PFDN1: variants seen among roughly 807,000 people sequenced by gnomAD.
The protein encoded by PFDN1 is prefoldin subunit 1, also known as prefoldin 1.
PFDN1 carries 6 observed loss-of-function variants against 17.3 expected under a neutral mutation model. That is an observed-to-expected ratio of 0.35 (90% CI 0.19 to 0.69). PFDN1 has a LOEUF of 0.69. Ranked by LOEUF, PFDN1 falls within the 30% of genes least tolerant of loss-of-function variation. PFDN1 has a pLI of 0.65. For synonymous variants in PFDN1, 58 were observed against 50.1 expected, an observed-to-expected ratio of 1.16 and a Z score of -0.67; for missense variants, 113 against 146.2, an observed-to-expected ratio of 0.77 and a Z score of 1.17.
chr5:140,302,116 C>T (rs904797875), intron 1 of PFDN1, among the ~76,000 whole-genome samples: 5 of 152,200 alleles, frequency 3.3e-5, no homozygotes, highest in African/African-American at 1.2e-4. Flanking sequence ...TAAGATGTTG[C>T]TCATCTGAAG....
chr5:140,284,613 T>C (rs181913300), intron 2 of PFDN1, among the ~76,000 whole-genome samples: 2 of 152,370 alleles, frequency 1.3e-5, no homozygotes, highest in Non-Finnish European at 2.9e-5. Flanking sequence ...TCTGCCTGAT[T>C]GTTTATGGAA....
chr5:140,291,789 A>G (rs1467418433), intron 2 of PFDN1, among the ~76,000 whole-genome samples: 1 of 152,168 alleles, frequency 6.6e-6, no homozygotes, highest in African/African-American at 2.4e-5. Context: ...GGTGGGAGGA[A>G]TATCAAGAAG....
chr5:140,248,271 G>A (rs1764861439), intron 3 of PFDN1, among the ~76,000 whole-genome samples: 1 of 152,016 alleles, frequency 6.6e-6, no homozygotes, highest in Admixed American at 6.6e-5. Flanking sequence ...GTTTCACTGT[G>A]TTAGCCAAGC....
At chr5:140,297,450 C>T (rs1158195432) in intron 2 of PFDN1, among the ~76,000 whole-genome samples, 2 of 152,160 alleles carry the variant, frequency 1.3e-5, no homozygotes, top group Non-Finnish European at 2.9e-5. Flanking sequence ...GGCACTAATA[C>T]GCTAGCCAAA....
chr5:140,251,811 G>A (rs1764917591), intron 3 of PFDN1, among the ~76,000 whole-genome samples: 1 of 152,074 alleles, frequency 6.6e-6, no homozygotes, highest in South Asian at 2.1e-4. Context: ...TCAGACTGAG[G>A]GGCTGGTGTT....
chr5:140,278,491 G>A (rs1765334552), intron 3 of PFDN1, among the ~76,000 whole-genome samples: 1 of 147,614 alleles, frequency 6.8e-6, no homozygotes, highest in African/African-American at 2.5e-5. Context: ...AACCTTTGGG[G>A]CAGAGGTGGC....
intron 2 of PFDN1, among the ~76,000 whole-genome samples, chr5:140,284,867 C>G (rs772931369): frequency 6.6e-6 from 1 of 152,198 alleles, no homozygotes; most frequent in Non-Finnish European, 1.5e-5. Context: ...TATTTCACTT[C>G]CTCATTTATT....
chr5:140,290,081 A>G, intron 2 of PFDN1, among the ~76,000 whole-genome samples: 1 of 152,176 alleles, frequency 6.6e-6, no homozygotes, highest in East Asian at 1.9e-4. Context: ...ACTTTGGCAG[A>G]CATTATTGTT....
chr5:140,301,188 C>A (rs1765739148), intron 1 of PFDN1, among the ~76,000 whole-genome samples: 1 of 152,132 alleles, frequency 6.6e-6, no homozygotes, highest in Non-Finnish European at 1.5e-5. Flanking sequence ...AAATCCATTT[C>A]TTCTAACCCC....
At chr5:140,271,575 T>C (rs1240886736) in intron 3 of PFDN1, among the ~76,000 whole-genome samples, 1 of 152,132 alleles carries the variant, frequency 6.6e-6, no homozygotes, top group Non-Finnish European at 1.5e-5. Context: ...TCATCAGGAG[T>C]GTAAACGTTT....
At chr5:140,287,116 G>A (rs1175176072) in intron 2 of PFDN1, among the ~76,000 whole-genome samples, 1 of 152,174 alleles carries the variant, frequency 6.6e-6, no homozygotes, top group East Asian at 1.9e-4. Flanking sequence ...TAACTAGTTG[G>A]TTAAATTTGT....
chr5:140,294,706 A>G (rs1046155950), intron 2 of PFDN1, among the ~76,000 whole-genome samples: 3 of 152,036 alleles, frequency 2.0e-5, no homozygotes, highest in African/African-American at 7.2e-5. Flanking sequence ...ATTTTTTTTA[A>G]TTGTTACCTA....
intron 3 of PFDN1, among the ~76,000 whole-genome samples, chr5:140,264,442 A>G (rs1765108464): frequency 1.3e-5 from 2 of 152,246 alleles, no homozygotes; most frequent in African/African-American, 4.8e-5. Flanking sequence ...TATGCTATGC[A>G]TATCAGAGCA....
intron 2 of PFDN1, 34 bp from the exon 3 acceptor site, chr5:140,281,567 C>T: frequency 9.4e-7 from 1 of 1,067,482 alleles, no homozygotes. Context: ...AATTAAGCCA[C>T]ATGACTATTG....
chr5:140,275,136 C>T (rs139427130), intron 3 of PFDN1, among the ~76,000 whole-genome samples: 1 of 152,104 alleles, frequency 6.6e-6, no homozygotes, highest in Non-Finnish European at 1.5e-5. Context: ...GTGCCAGGCG[C>T]GGTGGCTCAC....
Position 140,245,464 on chromosome 5 carries a change from G to A in PFDN1, c.*510C>T, listed in dbSNP as rs1455463847. 1.4e-6 allele frequency: 1 copy of A among 702,518 alleles called. No homozygotes were observed. The highest frequency in any genetic ancestry group is 2.7e-5 in the East Asian group (1 of 37,298). 43.5% of individuals were successfully genotyped at this position (702,518 alleles called of 1,614,324 possible). ...CTTCTGTCTACTGCATGCAGGCCCG[G>A]AAGCTGAGCGTTAGTCAAAGGTACA... On this transcript the variant is annotated 3_prime_UTR_variant, in exon 4 of 4. Transcript: ENST00000261813.
At position 140,299,995 on chromosome 5, in the gene PFDN1, T is replaced by C. The variant is rs532109350; in HGVS notation, c.200+421A>G. ...CCATTGCACTCCAGCCTGGGCGATA[T>C]AGCGAAAACTCCGTCTCAAAAAGAA... On this transcript the variant is annotated intron_variant, in intron 2 of 3. Coordinates refer to ENST00000261813, the MANE Select transcript of PFDN1 (RefSeq NM_002622.5). Among the ~76,000 whole-genome samples, 11 of 152,190 alleles carry C rather than the reference T, an allele frequency of 7.2e-5. No individual in the cohort carries two copies. In the East Asian group the frequency reaches 1.2e-3, roughly 16 times the overall value.
intron 2 of PFDN1, among the ~76,000 whole-genome samples, chr5:140,288,451 A>G (rs566673947): frequency 1.3e-5 from 2 of 152,308 alleles, no homozygotes; most frequent in African/African-American, 4.8e-5. Flanking sequence ...GTGGAGCACA[A>G]GGAATTTGGG....
intron 2 of PFDN1, among the ~76,000 whole-genome samples, chr5:140,300,071 G>C (rs1292159235): frequency 6.6e-6 from 1 of 152,058 alleles, no homozygotes; most frequent in African/African-American, 2.4e-5. Context: ...ACAGAGTCTA[G>C]CTCTGCTGCC....
Sources: allele counts gnomAD v4.1 joint callset (sites outside exome capture counted in the v4.1 genomes callset), GRCh38; gene constraint gnomAD v4.1.1; transcripts MANE v1.5; gene names NCBI Gene and HGNC (gene_info 2026-07-23, HGNC 2026-07-21).